The following MND1 variants were observed in gnomAD, a reference collection of about 807,000 sequenced individuals.
MND1 encodes meiotic nuclear division protein 1 homolog.
MND1 carries 28 observed loss-of-function variants against 35.1 expected under a neutral mutation model. The observed-to-expected ratio is 0.80, with a 90% CI of 0.59 to 1.09. The LOEUF (loss-of-function observed/expected upper bound fraction) is 1.09. Ranked by LOEUF, MND1 falls within the 50% of genes least tolerant of loss-of-function variation. MND1 has a pLI of 0.00. For missense variants in MND1, 213 were observed against 239.6 expected, an observed-to-expected ratio of 0.89 and a Z score of 0.73; for synonymous variants, 69 against 70.5, an observed-to-expected ratio of 0.98 and a Z score of 0.11.
chr4:153,388,494 T>G (rs985897947), intron 4 of MND1, among the ~76,000 whole-genome samples: 1 of 151,964 alleles, frequency 6.6e-6, no homozygotes, highest in African/African-American at 2.4e-5. Context: ...CTCAAAAAAA[T>G]AAATAAAGAT....
rs1161625219 is a variant in MND1, at chr4:153,414,929, T to C, written c.*72T>C. On this transcript the variant is annotated 3_prime_UTR_variant, in exon 8 of 8. Coordinates refer to ENST00000240488, the MANE Select transcript of MND1 (RefSeq NM_032117.4). Reference sequence around the variant, plus strand: ...TTTTAAACTATTATCTAACTAAGTGTACTGAATTGTCGTTTGCCTGTAACT... The same window carrying C: ...TTTTAAACTATTATCTAACTAAGTGCACTGAATTGTCGTTTGCCTGTAACT... 1 of 625,398 alleles carries C rather than the reference T, an allele frequency of 1.6e-6. No homozygotes were observed. Among genetic ancestry groups the C allele is most frequent in the African/African-American group, 1.9e-5 (1 of 52,882 alleles). The allele number at this position is 625,398 out of a possible 1,614,324, so 38.7% of individuals were successfully genotyped here.
At chr4:153,408,589 G>A (rs970037802) in intron 6 of MND1, among the ~76,000 whole-genome samples, 3 of 151,742 alleles carry the variant, frequency 2.0e-5, no homozygotes, top group Non-Finnish European at 2.9e-5. Flanking sequence ...AATTCTTATC[G>A]TTAAATTTAA....
intron 4 of MND1, among the ~76,000 whole-genome samples, chr4:153,370,640 C>G (rs927611380): frequency 6.6e-6 from 1 of 152,070 alleles, no homozygotes; most frequent in African/African-American, 2.4e-5. Context: ...TGGTCTCAGC[C>G]TCCTGAGTAG....
In MND1 at chr4:153,397,333, C is replaced by A. The variant is rs373519157; in HGVS notation, c.466C>A (p.Arg156Ser). ...DCDPQVVEEI[R>S]QANKVAKEAA... is the part of the protein sequence containing the mutation. ...TGATCCGCAAGTTGTGGAAGAAATA[C>A]GTAAGTTTGTGTCATACCTTAGGGA... The change falls in exon 6 of 8, where the codon CGC becomes AGC. Residue 156 changes from arginine to serine, a missense_variant and splice_region_variant. Transcript: ENST00000240488. The A allele has an allele frequency of 6.2e-7, 1 of 1,603,842 alleles. No homozygotes were observed. The highest frequency in any genetic ancestry group is 1.1e-5 in the South Asian group (1 of 89,764).
At chr4:153,352,377 G>A (rs1238279436) in intron 2 of MND1, among the ~76,000 whole-genome samples, 1 of 152,118 alleles carries the variant, frequency 6.6e-6, no homozygotes, top group African/African-American at 2.4e-5. Flanking sequence ...CATGAGAACA[G>A]TATAGCTCAA....
chr4:153,413,029 T>G (rs1729732992), intron 7 of MND1, among the ~76,000 whole-genome samples: 1 of 152,050 alleles, frequency 6.6e-6, no homozygotes, highest in Admixed American at 6.6e-5. Flanking sequence ...ATGGTCTCGA[T>G]CTCTTGACCT....
chr4:153,358,575 A>G lies in MND1; in HGVS notation c.229A>G (p.Lys77Glu). 1.2e-6 allele frequency: 2 copies of G among 1,613,640 alleles called. No homozygotes were observed. The highest frequency in any genetic ancestry group is 1.7e-6 in the Non-Finnish European group (2 of 1,179,788). Residue 77 changes from lysine (K) to glutamate (E), a missense_variant, in exon 4 of 8, where the codon AAA becomes GAA. By Grantham distance (56) the Lys-to-Glu change is moderately conservative. Transcript: ENST00000240488. Reference sequence around the variant, plus strand: ...TAATTATTATTGGGCTTTTCCAAGTAAAGCTCTTCATGCAAGGAAACATAA... The same window carrying G: ...TAATTATTATTGGGCTTTTCCAAGTGAAGCTCTTCATGCAAGGAAACATAA... ...TSNYYWAFPS[K>E]ALHARKHKLE...
chr4:153,381,498 G>T (rs549332981), intron 4 of MND1, among the ~76,000 whole-genome samples: 1 of 150,578 alleles, frequency 6.6e-6, no homozygotes, highest in Non-Finnish European at 1.5e-5. Context: ...CTGCTACCAG[G>T]TAGTGGCAGA....
intron 4 of MND1, among the ~76,000 whole-genome samples, chr4:153,393,112 C>G (rs1263532888): frequency 1.3e-5 from 2 of 151,868 alleles, no homozygotes. Flanking sequence ...GAGTGAGACA[C>G]TGTCTCAAGA....
At chr4:153,382,269 A>G (rs1387439532) in intron 4 of MND1, among the ~76,000 whole-genome samples, 2 of 152,188 alleles carry the variant, frequency 1.3e-5, no homozygotes, top group African/African-American at 2.4e-5. Flanking sequence ...GTTTTAAATT[A>G]TATTAATTGT....
chr4:153,412,649 A>AT (rs374360405), intron 7 of MND1, among the ~76,000 whole-genome samples: 82 of 147,344 alleles, frequency 5.6e-4, no homozygotes, highest in African/African-American at 1.9e-3. Flanking sequence ...TGCCCGGCTA[A>AT]TTTTTTTTGT....
At chr4:153,374,176 A>AC (rs1561064810) in intron 4 of MND1, among the ~76,000 whole-genome samples, 1 of 152,204 alleles carries the variant, frequency 6.6e-6, no homozygotes, top group African/African-American at 2.4e-5. Flanking sequence ...TTAGGCAGTC[A>AC]GTATATGGTG....
intron 4 of MND1, among the ~76,000 whole-genome samples, chr4:153,383,721 A>G (rs758412937): frequency 2.6e-5 from 4 of 152,170 alleles, no homozygotes; most frequent in Non-Finnish European, 5.9e-5. Context: ...TGAAGGAGAG[A>G]GGGAAGGGTA....
intron 1 of MND1, among the ~76,000 whole-genome samples, chr4:153,348,676 CTTTGT>C (rs1773134566): frequency 6.6e-6 from 1 of 151,662 alleles, no homozygotes; most frequent in Admixed American, 6.6e-5. Flanking sequence ...TGTGTGTGGG[CTTTGT>C]TTTGTTTTGT....
intron 7 of MND1, among the ~76,000 whole-genome samples, chr4:153,413,061 A>T (rs1330779059): frequency 1.3e-5 from 2 of 152,034 alleles, no homozygotes; most frequent in Non-Finnish European, 2.9e-5. Flanking sequence ...TCTTATAAAG[A>T]TACCAATCCT....
intron 4 of MND1, among the ~76,000 whole-genome samples, chr4:153,372,000 G>A (rs962966555): frequency 6.6e-6 from 1 of 152,064 alleles, no homozygotes; most frequent in Non-Finnish European, 1.5e-5. Flanking sequence ...AATAGGGAAG[G>A]CCAAGGGAGG....
chr4:153,394,362 T>C, intron 5 of MND1, 26 bp downstream of exon 5: 1 of 1,567,436 alleles, frequency 6.4e-7, no homozygotes, highest in Non-Finnish European at 8.7e-7. Context: ...TAGATTATTT[T>C]AATAATGGCA....
At chr4:153,392,382 G>A (rs532318189) in intron 4 of MND1, among the ~76,000 whole-genome samples, 7 of 152,264 alleles carry the variant, frequency 4.6e-5, no homozygotes, top group Non-Finnish European at 1.0e-4. Context: ...TGGGATTACA[G>A]GTGTGAGCCA....
chr4:153,405,247 G>A (rs182934806), intron 6 of MND1, among the ~76,000 whole-genome samples: 49 of 152,274 alleles, frequency 3.2e-4, no homozygotes, highest in Admixed American at 5.9e-4. Flanking sequence ...CTACAAGGCT[G>A]CAGTTATCAA....
Sources: gnomAD v4.1 joint callset for allele counts (sites outside exome capture counted in the v4.1 genomes callset) on GRCh38, gnomAD v4.1.1 for gene constraint, MANE v1.5 for transcripts, NCBI Gene and HGNC (gene_info 2026-07-23, HGNC 2026-07-21) for gene names.